The following ODAD2 variants were observed in gnomAD, a reference collection of about 807,000 sequenced individuals.
The protein encoded by ODAD2 is outer dynein arm-docking complex subunit 2.
Under a neutral mutation model 106.8 loss-of-function variants are expected in ODAD2, and 89 were observed. The ratio of observed to expected loss-of-function variants is 0.83; its 90% CI spans 0.70 to 0.99. The LOEUF (loss-of-function observed/expected upper bound fraction) is 0.99, where lower values mean the gene tolerates loss of function less well. ODAD2 is among the 50% of genes least tolerant of loss of function. The pLI, the probability that ODAD2 is intolerant of heterozygous loss-of-function variation, is 0.00. For missense variants in ODAD2, 1,168 were observed against 1,238.5 expected, an observed-to-expected ratio of 0.94 and a Z score of 0.85; for synonymous variants, 404 against 436.2, an observed-to-expected ratio of 0.93 and a Z score of 0.92.
rs527327175 is a variant in ODAD2, at chr10:27,906,860, T to C, written c.2610+803A>G. Among the ~76,000 whole-genome samples, 5 of 152,140 alleles carry C rather than the reference T, an allele frequency of 3.3e-5. No homozygotes were observed. The East Asian group carries it at 9.7e-4, about 29-fold the overall frequency. ...GGGGAACATCACACATCGGGGCCTG[T>C]CAGGGGGTGCGGGACTAGGGGAGGA... On this transcript the variant is annotated intron_variant, in intron 17 of 19. Coordinates refer to ENST00000305242, the MANE Select transcript of ODAD2 (RefSeq NM_018076.5).
chr10:27,991,595 A>G (rs1233221481), intron 2 of ODAD2, among the ~76,000 whole-genome samples: 1 of 152,222 alleles, frequency 6.6e-6, no homozygotes, highest in East Asian at 1.9e-4. Flanking sequence ...ATTGCCATCA[A>G]TGTCCACAGA....
intron 10 of ODAD2, among the ~76,000 whole-genome samples, chr10:27,949,203 T>C (rs749615817): frequency 6.6e-6 from 1 of 152,216 alleles, no homozygotes; most frequent in East Asian, 1.9e-4. Context: ...GCATGCTTCC[T>C]ATTTGCCATG....
chr10:27,827,379 C>CACTATATATATATATA (rs1239159370), intron 19 of ODAD2, among the ~76,000 whole-genome samples: 80 of 132,442 alleles, frequency 6.0e-4, no homozygotes, highest in African/African-American at 2.3e-3. Context: ...CACACACACA[C>CACTATATATATATATA]TATATATATA....
intron 2 of ODAD2, among the ~76,000 whole-genome samples, chr10:27,992,305 T>G (rs2133206606): frequency 6.6e-6 from 1 of 152,266 alleles, no homozygotes; most frequent in South Asian, 2.1e-4. Flanking sequence ...GGAAAAGTTG[T>G]ATAGTAAATA....
chr10:27,854,620 G>C (rs1019175436), intron 19 of ODAD2, among the ~76,000 whole-genome samples: 10 of 152,086 alleles, frequency 6.6e-5, no homozygotes, highest in Non-Finnish European at 1.2e-4. Flanking sequence ...GCCCGGTGTG[G>C]TGGTGCATGC....
chr10:27,956,586 G>A (rs1358290205), intron 10 of ODAD2, among the ~76,000 whole-genome samples: 2 of 152,174 alleles, frequency 1.3e-5, no homozygotes, highest in African/African-American at 2.4e-5. Context: ...GGGAAAGAAA[G>A]CATAATTCTA....
In ODAD2 at chr10:27,961,597, G is replaced by A; in HGVS notation, c.1357C>T (p.Gln453Ter). The A allele has an allele frequency of 6.2e-7, 1 of 1,611,614 alleles. No homozygotes were observed. Among genetic ancestry groups the A allele is most frequent in the Non-Finnish European group, 8.5e-7 (1 of 1,179,078 alleles). The change falls in exon 10 of 20, where the codon CAA becomes TAA. Residue 453 changes from glutamine (Q) to a stop codon, truncating the protein, a stop_gained. Coordinates refer to ENST00000305242, the MANE Select transcript of ODAD2 (RefSeq NM_018076.5). LOFTEE classifies it high-confidence loss of function. Reference sequence around the variant, plus strand: ...AAATATTTCACCAGCTTCTGAATTTGCCAATATTCTGATGGCAAATCTGCA... The same window carrying A: ...AAATATTTCACCAGCTTCTGAATTTACCAATATTCTGATGGCAAATCTGCA... Reference protein sequence around the residue: ...ASADLPSEYWQIQKLVKYLKG... With the variant: ...ASADLPSEYW
chr10:27,960,313 CATT>C (rs72020123), intron 10 of ODAD2, among the ~76,000 whole-genome samples: 18,954 of 138,388 alleles, frequency 0.14, 1,313 homozygotes, highest in African/African-American at 0.18. Context: ...TTATTTATTT[CATT>C]ATTATTATTA....
intron 7 of ODAD2, among the ~76,000 whole-genome samples, chr10:27,972,081 A>G (rs1848899300): frequency 6.6e-6 from 1 of 152,198 alleles, no homozygotes; most frequent in Non-Finnish European, 1.5e-5. Flanking sequence ...CAAAAATAGT[A>G]ACAACGTTTT....
intron 19 of ODAD2, among the ~76,000 whole-genome samples, chr10:27,846,766 C>A (rs1838796856): frequency 6.7e-6 from 1 of 149,252 alleles, no homozygotes; most frequent in African/African-American, 2.5e-5. Context: ...CACAGAAATA[C>A]AAACTACCAT....
chr10:27,961,785 C>T (rs2132853652), intron 9 of ODAD2, 70 bp from the exon 10 acceptor site: 3 of 1,367,526 alleles, frequency 2.2e-6, no homozygotes, highest in African/African-American at 1.5e-5. Context: ...CTACATGGGG[C>T]CAGGTGCAGT....
intron 10 of ODAD2, among the ~76,000 whole-genome samples, chr10:27,946,290 A>G (rs904128632): frequency 3.3e-5 from 5 of 150,892 alleles, no homozygotes; most frequent in African/African-American, 1.2e-4. Flanking sequence ...CAGCTCGTGG[A>G]AATTCCATAC....
intron 17 of ODAD2, among the ~76,000 whole-genome samples, chr10:27,880,452 G>A (rs747439529): frequency 6.6e-5 from 10 of 152,142 alleles, no homozygotes; most frequent in Non-Finnish European, 1.2e-4. Context: ...GAATTACCTG[G>A]AGAGTTTTTA....
intron 17 of ODAD2, among the ~76,000 whole-genome samples, chr10:27,886,182 A>G (rs1314812965): frequency 1.3e-5 from 2 of 151,594 alleles, no homozygotes; most frequent in Non-Finnish European, 2.9e-5. Context: ...AATTCAAACA[A>G]TTCGAAGTAG....
At chr10:27,916,457 G>T (rs1277068420) in intron 16 of ODAD2, among the ~76,000 whole-genome samples, 1 of 152,094 alleles carries the variant, frequency 6.6e-6, no homozygotes, top group African/African-American at 2.4e-5. Context: ...TCAATGAAGA[G>T]AATTATAAAT....
chr10:27,919,859 T>C (rs1261059431), intron 16 of ODAD2, among the ~76,000 whole-genome samples: 5 of 152,196 alleles, frequency 3.3e-5, no homozygotes, highest in Admixed American at 3.3e-4. Context: ...GGACATGTTT[T>C]ATAATTACTT....
chr10:27,923,945 TGAAAGAAAGAAA>T (rs747193046), intron 16 of ODAD2, among the ~76,000 whole-genome samples: 2,619 of 45,904 alleles, frequency 0.057, 55 homozygotes, highest in Middle Eastern at 0.081. Context: ...CCCTGTCTAA[TGAAAGAAAGAAA>T]GAAAGAAAGA....
At chr10:27,846,040 C>A (rs1213848912) in intron 19 of ODAD2, among the ~76,000 whole-genome samples, 2 of 152,110 alleles carry the variant, frequency 1.3e-5, no homozygotes, top group Non-Finnish European at 2.9e-5. Flanking sequence ...CAAAGATATC[C>A]AGGAATTGAA....
In ODAD2 at chr10:27,875,123, A is replaced by G. The variant is rs146148608; in HGVS notation, c.2611-12501T>C. ...ATTCATTTGATCTTCAATCACTGAT[A>G]CCCTTTCTTCCAGTTGATTGAATCG... On this transcript the variant is annotated intron_variant, in intron 17 of 19. Coordinates refer to ENST00000305242, the MANE Select transcript of ODAD2 (RefSeq NM_018076.5). Among the ~76,000 whole-genome samples the G allele has an allele frequency of 3.8e-3, 580 of 152,272 alleles. 11 individuals are homozygous for G. In the Middle Eastern group the frequency reaches 0.065, roughly 17 times the overall value.
Sources: allele counts gnomAD v4.1 joint callset (sites outside exome capture counted in the v4.1 genomes callset), GRCh38; gene constraint gnomAD v4.1.1; transcripts MANE v1.5; gene names NCBI Gene and HGNC (gene_info 2026-07-23, HGNC 2026-07-21).